VPS50: variants seen among roughly 807,000 people sequenced by gnomAD.
VPS50 encodes the protein VPS50 subunit of EARP/GARPII complex.
VPS50 carries 70 observed loss-of-function variants against 139.7 expected under a neutral mutation model. The ratio of observed to expected loss-of-function variants is 0.50; its 90% CI spans 0.41 to 0.61. The LOEUF (loss-of-function observed/expected upper bound fraction) is 0.61, where lower values mean the gene tolerates loss of function less well. Ranked by LOEUF, VPS50 falls within the 20% of genes least tolerant of loss-of-function variation. The pLI, the probability that VPS50 is intolerant of heterozygous loss-of-function variation, is 0.00. For missense variants in VPS50, 921 were observed against 1,133.7 expected, an observed-to-expected ratio of 0.81 and a Z score of 2.69; for synonymous variants, 365 against 376.7, an observed-to-expected ratio of 0.97 and a Z score of 0.36.
chr7:93,299,574 G>A (rs1439617877), intron 16 of VPS50, among the ~76,000 whole-genome samples: 1 of 152,094 alleles, frequency 6.6e-6, no homozygotes, highest in Non-Finnish European at 1.5e-5. Flanking sequence ...ATCTATTTAA[G>A]CTATTGGTTT....
In VPS50 at chr7:93,294,573, A is replaced by C. The variant is rs199714930; in HGVS notation, c.1104A>C (p.Glu368Asp). 3.1e-6 allele frequency: 5 copies of C among 1,597,516 alleles called. No homozygotes were observed. In the Admixed American group the frequency reaches 8.7e-5, roughly 28 times the overall value. Reference protein sequence around the residue: ...SEGSNMIGTEETNFDRGYIKK... With the variant: ...SEGSNMIGTEDTNFDRGYIKK... The stretch of plus-strand genomic sequence containing the variant: ...GGAGTAATATGATAGGTACTGAAGA[A>C]ACTAATTTTGATCGTGGCTACATAA... The change falls in exon 14 of 28, where the codon GAA (glutamate) becomes GAC (aspartate). Residue 368 changes from glutamate to aspartate, a missense_variant. By Grantham distance (45) the Glu-to-Asp change is conservative. Around this residue, in one of 3 missense-constraint regions of VPS50, gnomAD observed 744 missense variants for 930.6 expected, o/e 0.80. Coordinates refer to ENST00000305866, the MANE Select transcript of VPS50 (RefSeq NM_017667.4).
chr7:93,251,048 T>C (rs1795310355), intron 2 of VPS50, among the ~76,000 whole-genome samples: 1 of 152,264 alleles, frequency 6.6e-6, no homozygotes. Context: ...GGAGAGGATG[T>C]GGAGAAATAA....
chr7:93,279,798 A>C (rs1796269050), intron 12 of VPS50, among the ~76,000 whole-genome samples: 1 of 152,180 alleles, frequency 6.6e-6, no homozygotes, highest in African/African-American at 2.4e-5. Flanking sequence ...AATAACATTG[A>C]AAATTAAGAT....
rs189229486 is a variant in VPS50 at position 93,323,080 on chromosome 7, A to G, written c.1856-531A>G. On this transcript the variant is annotated intron_variant, in intron 20 of 27. Coordinates refer to ENST00000305866, the MANE Select transcript of VPS50 (RefSeq NM_017667.4). ...CTCTGACCCAAGATTTCACAGGGCT[A>G]GGATTCAGGGCAATGGGCAGTATCT... is the stretch of plus-strand genomic sequence containing the variant. 2.8e-4 allele frequency among the ~76,000 whole-genome samples: 42 copies of G among 152,252 alleles called. 1 individual carries two copies. In the East Asian group the frequency reaches 6.9e-3, roughly 25 times the overall value.
intron 13 of VPS50, among the ~76,000 whole-genome samples, chr7:93,292,090 C>T (rs1196569794): frequency 6.6e-6 from 1 of 151,958 alleles, no homozygotes; most frequent in Non-Finnish European, 1.5e-5. Flanking sequence ...GGCTTTAGGA[C>T]TGAATTTATA....
chr7:93,260,748 T>C (rs1227839423), intron 9 of VPS50, among the ~76,000 whole-genome samples: 1 of 152,042 alleles, frequency 6.6e-6, no homozygotes, highest in Non-Finnish European at 1.5e-5. Context: ...CAGGCTGGAG[T>C]GCAGTGGCGT....
intron 27 of VPS50, 117 bp from the exon 28 acceptor site, chr7:93,358,200 T>G (rs1480546078): frequency 2.3e-6 from 2 of 884,592 alleles, no homozygotes; most frequent in Non-Finnish European, 3.6e-6. Flanking sequence ...TGTTTTTCAC[T>G]GGTTTATAAT....
At chr7:93,258,895 C>T (rs1236605590) in intron 8 of VPS50, among the ~76,000 whole-genome samples, 3 of 151,962 alleles carry the variant, frequency 2.0e-5, no homozygotes, top group Non-Finnish European at 4.4e-5. Context: ...GGTACTTTGT[C>T]ATTATCAGCA....
In VPS50 at chr7:93,342,980, G is replaced by A. The variant is rs1320437276; in HGVS notation, c.2207+1405G>A. ...CACCAGCAACGGAACAAAGCTGGAC[G>A]GAGAATGACTTTGACGAGCTGAGAG... On this transcript the variant is annotated intron_variant, in intron 23 of 27. Coordinates refer to ENST00000305866, the MANE Select transcript of VPS50 (RefSeq NM_017667.4). Among the ~76,000 whole-genome samples the A allele has an allele frequency of 6.6e-5, 10 of 152,152 alleles. 1 individual carries two copies. In the South Asian group the frequency reaches 8.3e-4, roughly 13 times the overall value.
chr7:93,258,444 T>A, intron 8 of VPS50, 52 bp downstream of exon 8: 1 of 1,366,928 alleles, frequency 7.3e-7, no homozygotes, highest in Non-Finnish European at 1.0e-6. Flanking sequence ...ATAGAAACAG[T>A]AAAGCAGACA....
intron 16 of VPS50, 80 bp from the exon 17 acceptor site, chr7:93,303,380 A>T: frequency 1.7e-6 from 1 of 583,852 alleles, no homozygotes. Context: ...AATTATTTGT[A>T]TTGTACATTA....
intron 17 of VPS50, 41 bp from the exon 18 acceptor site, chr7:93,305,787 A>G: frequency 6.7e-7 from 1 of 1,495,528 alleles, no homozygotes; most frequent in Non-Finnish European, 9.3e-7. Context: ...CTAGAATTTT[A>G]TTGTTGCTAA....
At chr7:93,296,956 G>A (rs1411023152) in intron 15 of VPS50, 120 bp downstream of exon 15, 14 of 1,431,772 alleles carry the variant, frequency 9.8e-6, no homozygotes, top group Admixed American at 3.3e-5. Context: ...TTGCTGCTAA[G>A]TTTGTGAGTG....
At position 93,297,640 on chromosome 7, in the gene VPS50, G is replaced by A. The variant is rs28657813; in HGVS notation, c.1361+397G>A. ...GCTTGAGAGTATCTATCTTTTAAAT[G>A]TAAGAAGGATTCTAGAGGAGAGGAT... On this transcript the variant is annotated intron_variant, in intron 16 of 27. Transcript: ENST00000305866. 4.3e-3 allele frequency among the ~76,000 whole-genome samples: 653 copies of A among 152,246 alleles called. 2 individuals are homozygous for A. Among genetic ancestry groups the A allele is most frequent in the African/African-American group, 0.015 (625 of 41,550 alleles).
chr7:93,294,354 G>T (rs1024834693), intron 13 of VPS50, among the ~76,000 whole-genome samples, 191 bp from the exon 14 acceptor site: 4 of 151,968 alleles, frequency 2.6e-5, no homozygotes, highest in African/African-American at 4.8e-5. Flanking sequence ...CATAGTCTAC[G>T]TTTATTTGTC....
chr7:93,318,765 A>C (rs559161500), intron 20 of VPS50, among the ~76,000 whole-genome samples: 123 of 152,044 alleles, frequency 8.1e-4, no homozygotes, highest in South Asian at 1.5e-3. Context: ...CAATGGAAAA[A>C]ATTTCTCCCC....
chr7:93,322,473 G>A (rs1280672986), intron 20 of VPS50, among the ~76,000 whole-genome samples: 3 of 151,306 alleles, frequency 2.0e-5, no homozygotes, highest in Non-Finnish European at 4.4e-5. Flanking sequence ...GGTAGCGGGC[G>A]CCTGTAGTCC....
At chr7:93,258,736 C>G (rs1367891713) in intron 8 of VPS50, among the ~76,000 whole-genome samples, 1 of 151,946 alleles carries the variant, frequency 6.6e-6, no homozygotes, top group African/African-American at 2.4e-5. Context: ...TAGTTTTGTT[C>G]AGTATCATGT....
intron 2 of VPS50, chr7:93,246,093 TG>T: frequency 7.3e-6 from 11 of 1,508,702 alleles, no homozygotes; most frequent in African/African-American, 4.2e-5. Flanking sequence ...TTTTTTTTTT[TG>T]CTTTCAGTTA....
Sources: allele counts gnomAD v4.1 joint callset (sites outside exome capture counted in the v4.1 genomes callset), GRCh38; gene constraint gnomAD v4.1.1; regional missense constraint gnomAD v4.1.1; transcripts MANE v1.5; gene names NCBI Gene and HGNC (gene_info 2026-07-23, HGNC 2026-07-21).